DLG1: variants seen among roughly 807,000 people sequenced by gnomAD.
DLG1 encodes disks large homolog 1.
Under a neutral mutation model 123.4 loss-of-function variants are expected in DLG1, and 42 were observed. That is an observed-to-expected ratio of 0.34 (90% CI 0.27 to 0.44). DLG1 has a LOEUF of 0.44. DLG1 is among the 20% of genes least tolerant of loss of function. The pLI is 1.00. For missense variants in DLG1, 942 were observed against 1,082.6 expected (o/e 0.87, Z 1.82); for synonymous variants, 317 against 356.2 (o/e 0.89, Z 1.24).
intron 4 of DLG1, among the ~76,000 whole-genome samples, chr3:197,198,147 CA>C (rs35948143): frequency 7.1e-6 from 1 of 141,640 alleles, no homozygotes; most frequent in African/African-American, 2.5e-5. Flanking sequence ...ACAAAACAAA[CA>C]AAAAAATACT....
intron 4 of DLG1, among the ~76,000 whole-genome samples, chr3:197,209,187 A>G (rs944320521): frequency 6.8e-6 from 1 of 146,598 alleles, no homozygotes; most frequent in African/African-American, 2.4e-5. Flanking sequence ...GCAGAGTGAA[A>G]GCATATGAAT....
At chr3:197,231,674 T>G (rs1743148461) in intron 4 of DLG1, among the ~76,000 whole-genome samples, 1 of 146,306 alleles carries the variant, frequency 6.8e-6, no homozygotes, top group Non-Finnish European at 1.5e-5. Flanking sequence ...TATTCCAGCC[T>G]GGGGAAGAGA....
chr3:197,243,722 G>A (rs1750162747), intron 4 of DLG1, among the ~76,000 whole-genome samples: 4 of 152,020 alleles, frequency 2.6e-5, no homozygotes, highest in Admixed American at 2.6e-4. Flanking sequence ...CTGACAAATC[G>A]TTGTTGGTTA....
chr3:197,231,225 G>GT (rs11457827), intron 4 of DLG1, among the ~76,000 whole-genome samples: 85,553 of 152,002 alleles, frequency 0.56, 24,618 homozygotes, highest in East Asian at 0.79. Context: ...TAATGCTGTG[G>GT]TTTGCTTATT....
intron 4 of DLG1, among the ~76,000 whole-genome samples, chr3:197,279,365 C>T (rs1768062392): frequency 6.6e-6 from 1 of 152,192 alleles, no homozygotes; most frequent in South Asian, 2.1e-4. Context: ...GTACTTCCTA[C>T]TAACTGACTT....
chr3:197,279,821 C>T (rs1474247294), intron 4 of DLG1, among the ~76,000 whole-genome samples: 1 of 152,128 alleles, frequency 6.6e-6, no homozygotes, highest in Non-Finnish European at 1.5e-5. Context: ...ACAAAACTGT[C>T]CACTTTTCCA....
intron 4 of DLG1, among the ~76,000 whole-genome samples, chr3:197,246,262 G>C (rs191620683): frequency 2.2e-4 from 33 of 152,174 alleles, no homozygotes; most frequent in African/African-American, 7.0e-4. Flanking sequence ...GTTTTGAAAG[G>C]GGTCCCTTAA....
chr3:197,115,359 C>T (rs1312229880), intron 13 of DLG1, among the ~76,000 whole-genome samples: 1 of 147,496 alleles, frequency 6.8e-6, no homozygotes. Flanking sequence ...AAAGATGACA[C>T]AAATATCAAG....
chr3:197,129,345 C>T (rs1394856240), intron 11 of DLG1, among the ~76,000 whole-genome samples: 1 of 152,182 alleles, frequency 6.6e-6, no homozygotes, highest in African/African-American at 2.4e-5. Context: ...CCAACCCCTG[C>T]TAGCCTCACA....
rs1723721663 is a variant in DLG1 at position 197,046,967 on chromosome 3, G to A, written c.2576-2238C>T. 2.6e-5 allele frequency among the ~76,000 whole-genome samples: 4 copies of A among 151,156 alleles called. No homozygotes were observed. The South Asian group carries it at 8.4e-4, about 32-fold the overall frequency. ...CCTAGTGTTTTTACTCTTAAAAAAT[G>A]TCAGTCAGGGTCATGAATAACAAGA... On this transcript the variant is annotated intron_variant, in intron 24 of 24. Transcript: ENST00000667157.
At chr3:197,051,833 ATTTTTTTTT>A (rs35979905) in intron 23 of DLG1, among the ~76,000 whole-genome samples, 165 bp from the exon 24 acceptor site, 3 of 90,254 alleles carry the variant, frequency 3.3e-5, no homozygotes, top group African/African-American at 1.2e-4. Flanking sequence ...ATTTCTGGGA[ATTTTTTTTT>A]TTTTTTTTTT....
intron 24 of DLG1, 117 bp downstream of exon 24, chr3:197,051,460 A>AC: frequency 1.3e-6 from 1 of 750,966 alleles, no homozygotes; most frequent in Non-Finnish European, 2.3e-6. Flanking sequence ...AGGCTGGATG[A>AC]TACTAGTTAC....
chr3:197,267,394 T>A (rs1762133010), intron 4 of DLG1, among the ~76,000 whole-genome samples: 1 of 152,202 alleles, frequency 6.6e-6, no homozygotes, highest in African/African-American at 2.4e-5. Context: ...ACAATGTCTA[T>A]AATCTCTTTT....
chr3:197,196,394 AG>A (rs1311939449), intron 4 of DLG1, among the ~76,000 whole-genome samples: 4 of 152,204 alleles, frequency 2.6e-5, no homozygotes, highest in Non-Finnish European at 5.9e-5. Flanking sequence ...CAATAAAAAA[AG>A]GTTCTCTAAC....
chr3:197,263,827 C>A (rs959032961), intron 4 of DLG1, among the ~76,000 whole-genome samples: 1 of 152,082 alleles, frequency 6.6e-6, no homozygotes, highest in Non-Finnish European at 1.5e-5. Flanking sequence ...TCTCAAATAC[C>A]TACCACTTTA....
At chr3:197,251,130 A>G (rs1754244219) in intron 4 of DLG1, among the ~76,000 whole-genome samples, 1 of 152,028 alleles carries the variant, frequency 6.6e-6, no homozygotes, top group Non-Finnish European at 1.5e-5. Flanking sequence ...TCATGCCTGT[A>G]ACCCCAGCAT....
At chr3:197,232,361 TAAAAA>T (rs34360912) in intron 4 of DLG1, among the ~76,000 whole-genome samples, 1 of 121,256 alleles carries the variant, frequency 8.2e-6, no homozygotes. Flanking sequence ...CCTTGTCTCT[TAAAAA>T]AAAAAAAAAA....
chr3:197,138,608 A>G (rs7615961), intron 8 of DLG1, among the ~76,000 whole-genome samples: 1,648 of 152,186 alleles, frequency 0.011, 30 homozygotes, highest in African/African-American at 0.038. Context: ...CAAAAGAAAT[A>G]GTGAAAATAA....
At chr3:197,167,727 T>A (rs1802122781) in intron 5 of DLG1, among the ~76,000 whole-genome samples, 1 of 152,208 alleles carries the variant, frequency 6.6e-6, no homozygotes, top group Non-Finnish European at 1.5e-5. Context: ...AAACTGCACA[T>A]ATTTAAGGTA....
Sources: gnomAD v4.1 joint callset for allele counts (sites outside exome capture counted in the v4.1 genomes callset) on GRCh38, gnomAD v4.1.1 for gene constraint, MANE v1.5 for transcripts, NCBI Gene and HGNC (gene_info 2026-07-23, HGNC 2026-07-21) for gene names.